The following HUNK variants were observed in gnomAD, a reference collection of about 807,000 sequenced individuals.
The protein encoded by HUNK is hormonally up-regulated Neu-associated kinase, also known as hormonally up-regulated neu tumor-associated kinase.
Under a neutral mutation model 61.0 loss-of-function variants are expected in HUNK, and 21 were observed. The observed-to-expected ratio is 0.34, with a 90% CI of 0.24 to 0.50. The LOEUF is 0.50. Ranked by LOEUF, HUNK falls within the 20% of genes least tolerant of loss-of-function variation. The pLI is 0.98. For synonymous variants in HUNK, 371 were observed against 386.1 expected (o/e 0.96, Z 0.46); for missense variants, 772 against 945.7 (o/e 0.82, Z 2.41).
At chr21:31,991,986 G>A (rs560935251) in intron 9 of HUNK, among the ~76,000 whole-genome samples, 53 of 152,348 alleles carry the variant, frequency 3.5e-4, no homozygotes, top group African/African-American at 1.1e-3. Context: ...TTGGTTACAC[G>A]TGGGAAAACA....
intron 2 of HUNK, among the ~76,000 whole-genome samples, chr21:31,936,755 T>A (rs1011895452): frequency 1.3e-5 from 2 of 152,202 alleles, no homozygotes; most frequent in African/African-American, 4.8e-5. Flanking sequence ...CATTTTCTCT[T>A]ATTTTTGGTC....
rs139259407 is a variant in HUNK at position 31,979,705 on chromosome 21, C to T, written c.1174-3821C>T. Among the ~76,000 whole-genome samples the T allele has an allele frequency of 4.3e-3, 645 of 151,322 alleles. 7 individuals carry two copies. The highest frequency in any genetic ancestry group is 0.034 in the Middle Eastern group (10 of 290). On this transcript the variant is annotated intron_variant, in intron 7 of 10. Coordinates refer to ENST00000270112, the MANE Select transcript of HUNK (RefSeq NM_014586.2). ...TAATTTTTTGTATTTTTAGTAGAGA[C>T]AGGGTTTCACCGTGTTAGCCAGGAT...
chr21:31,949,752 T>C (rs2052836238), intron 4 of HUNK, among the ~76,000 whole-genome samples: 1 of 152,176 alleles, frequency 6.6e-6, no homozygotes, highest in Non-Finnish European at 1.5e-5. Context: ...ACAAGAAGCA[T>C]GGTGGCAGCA....
intron 6 of HUNK, among the ~76,000 whole-genome samples, chr21:31,970,445 T>A (rs2053001854): frequency 6.6e-6 from 1 of 152,136 alleles, no homozygotes; most frequent in Admixed American, 6.5e-5. Context: ...TGTTTTCCAA[T>A]AACAGCTCGA....
chr21:31,979,471 A>G (rs1262986360), intron 7 of HUNK, among the ~76,000 whole-genome samples: 1 of 136,504 alleles, frequency 7.3e-6, no homozygotes, highest in East Asian at 2.2e-4. Context: ...TCCTATGTGC[A>G]CTTTTTAATT....
At chr21:31,951,417 A>G (rs1471841367) in intron 4 of HUNK, among the ~76,000 whole-genome samples, 1 of 152,190 alleles carries the variant, frequency 6.6e-6, no homozygotes, top group East Asian at 1.9e-4. Context: ...GAATATTACA[A>G]TACTCATGTG....
intron 1 of HUNK, among the ~76,000 whole-genome samples, chr21:31,908,567 T>C (rs760046381): frequency 1.1e-4 from 17 of 152,130 alleles, no homozygotes; most frequent in Non-Finnish European, 2.2e-4. Flanking sequence ...TGTGAATGTG[T>C]GACTTTTGAA....
At chr21:31,979,741 T>C (rs964081036) in intron 7 of HUNK, among the ~76,000 whole-genome samples, 2 of 151,876 alleles carry the variant, frequency 1.3e-5, no homozygotes, top group African/African-American at 2.4e-5. Flanking sequence ...GGTCTCAATC[T>C]CCTGACCTCG....
chr21:31,875,293 C>G (rs1025910513), intron 1 of HUNK, among the ~76,000 whole-genome samples: 5 of 152,170 alleles, frequency 3.3e-5, no homozygotes, highest in African/African-American at 1.2e-4. Context: ...CACCCCATTT[C>G]CCCTCTTTGT....
At chr21:31,991,214 C>A (rs1264704200) in intron 9 of HUNK, among the ~76,000 whole-genome samples, 1 of 151,952 alleles carries the variant, frequency 6.6e-6, no homozygotes. Flanking sequence ...AATTTATGAA[C>A]AAAACCCCAC....
At chr21:31,933,700 G>A (rs1195842317) in intron 2 of HUNK, among the ~76,000 whole-genome samples, 2 of 151,096 alleles carry the variant, frequency 1.3e-5, no homozygotes. Context: ...CAGGAGAATC[G>A]CTTGAACCCA....
intron 10 of HUNK, among the ~76,000 whole-genome samples, chr21:31,998,038 C>T (rs1476167654): frequency 6.6e-6 from 1 of 152,192 alleles, no homozygotes; most frequent in African/African-American, 2.4e-5. Flanking sequence ...CCACCTCAGC[C>T]TCCCAAGTAG....
In HUNK at chr21:31,990,302, G is replaced by A; in HGVS notation, c.1305+126G>A. On this transcript the variant is annotated intron_variant, in intron 9 of 10. Transcript: ENST00000270112. ...AGGAGTTGGCTCACACAGTTTTGTGGGGGTTGGCTGGAAGTCTGAAATCTG... is the reference window on the plus strand; with the variant it reads ...AGGAGTTGGCTCACACAGTTTTGTGAGGGTTGGCTGGAAGTCTGAAATCTG... 5 of 882,242 alleles carry A rather than the reference G, an allele frequency of 5.7e-6. No individual in the cohort carries two copies. The South Asian group carries it at 6.1e-5, about 11-fold the overall frequency. The allele number at this position is 882,242 out of a possible 1,614,324, so 54.7% of individuals were successfully genotyped here.
At position 31,959,054 on chromosome 21, in the gene HUNK, G is replaced by A; in HGVS notation, c.874+84G>A. The A allele has an allele frequency of 3.1e-6, 4 of 1,309,276 alleles. No homozygotes were observed. The South Asian group carries it at 6.7e-5, about 22-fold the overall frequency. The allele number at this position is 1,309,276 out of a possible 1,614,324, so 81.1% of individuals were successfully genotyped here. On this transcript the variant is annotated intron_variant, in intron 5 of 10. Transcript: ENST00000270112. ...CTACCTGTGAAACAGTATTTGTTTT[G>A]CAGTAATGGTGTTATGTCTATCCCA...
intron 5 of HUNK, among the ~76,000 whole-genome samples, chr21:31,964,879 T>G (rs1568936316): frequency 1.3e-5 from 2 of 152,220 alleles, no homozygotes; most frequent in African/African-American, 4.8e-5. Flanking sequence ...TGGTTCATCA[T>G]ACTTTGAAAA....
At chr21:31,888,968 G>C (rs2052367847) in intron 1 of HUNK, among the ~76,000 whole-genome samples, 1 of 152,134 alleles carries the variant, frequency 6.6e-6, no homozygotes, top group Non-Finnish European at 1.5e-5. Context: ...AGCTCTCTGA[G>C]TAGCTCTGGT....
chr21:31,888,390 CA>C (rs953332957), intron 1 of HUNK, among the ~76,000 whole-genome samples: 3 of 152,146 alleles, frequency 2.0e-5, no homozygotes, highest in Admixed American at 1.3e-4. Flanking sequence ...ATATGTAGTA[CA>C]GATCTACCAT....
At chr21:31,923,465 T>G (rs73346754) in intron 1 of HUNK, among the ~76,000 whole-genome samples, 14,502 of 126,982 alleles carry the variant, frequency 0.11, 2,427 homozygotes, top group African/African-American at 0.38. Context: ...AAGAGAGAGA[T>G]AGAAGAAGAA....
At chr21:31,886,043 T>A (rs1395186671) in intron 1 of HUNK, among the ~76,000 whole-genome samples, 3 of 152,176 alleles carry the variant, frequency 2.0e-5, no homozygotes, top group African/African-American at 7.2e-5. Context: ...TGGCCTATGT[T>A]CCCTTTTGAT....
Sources: gnomAD v4.1 joint callset for allele counts (sites outside exome capture counted in the v4.1 genomes callset) on GRCh38, gnomAD v4.1.1 for gene constraint, MANE v1.5 for transcripts, NCBI Gene and HGNC (gene_info 2026-07-23, HGNC 2026-07-21) for gene names.